PSEN2: variants seen among roughly 807,000 people sequenced by gnomAD.
The protein encoded by PSEN2 is presenilin 2, also known as presenilin-2.
In PSEN2, 32 loss-of-function variants were observed where a neutral mutation model predicts 49.1. The ratio of observed to expected loss-of-function variants is 0.65; its 90% CI spans 0.49 to 0.88. The LOEUF (loss-of-function observed/expected upper bound fraction) is 0.88, where lower values mean the gene tolerates loss of function less well. Ranked by LOEUF, PSEN2 falls within the 40% of genes least tolerant of loss-of-function variation. The probability of loss-of-function intolerance (pLI) is 0.00; values close to 1 mark genes in which losing one functional copy is unlikely to be tolerated. For missense variants in PSEN2, 522 were observed against 586.9 expected (o/e 0.89, Z 1.14); for synonymous variants, 255 against 244.0 (o/e 1.05, Z -0.42).
chr1:226,902,179 G>A (rs1331519479), intron 12 of PSEN2, among the ~76,000 whole-genome samples: 1 of 152,170 alleles, frequency 6.6e-6, no homozygotes, highest in Non-Finnish European at 1.5e-5. Flanking sequence ...TTCTCATGTG[G>A]AGTGTGCCAC....
chr1:226,883,663 G>C (rs1295643), intron 4 of PSEN2, 42 bp from the exon 5 acceptor site: 6 of 1,585,890 alleles, frequency 3.8e-6, no homozygotes, highest in East Asian at 2.3e-5. Flanking sequence ...ATAGGCTGCC[G>C]TGGGGGACAT....
At chr1:226,886,820 A>C (rs1309743178) in intron 6 of PSEN2, among the ~76,000 whole-genome samples, 1 of 152,192 alleles carries the variant, frequency 6.6e-6, no homozygotes, top group Non-Finnish European at 1.5e-5. Flanking sequence ...AATGAGTACC[A>C]GCTGGGCATT....
chr1:226,879,209 C>T (rs931842293), intron 3 of PSEN2, among the ~76,000 whole-genome samples: 12 of 152,182 alleles, frequency 7.9e-5, no homozygotes, highest in Non-Finnish European at 1.8e-4. Flanking sequence ...TAATTTCTCT[C>T]ATTTCCATAG....
At chr1:226,879,338 G>A (rs771038021) in intron 3 of PSEN2, among the ~76,000 whole-genome samples, 24 of 152,188 alleles carry the variant, frequency 1.6e-4, no homozygotes, top group Non-Finnish European at 2.6e-4. Flanking sequence ...TGGCCCTGGG[G>A]CCTAGTCTGA....
At chr1:226,889,352 C>T (rs971961891) in intron 8 of PSEN2, among the ~76,000 whole-genome samples, 1 of 152,186 alleles carries the variant, frequency 6.6e-6, no homozygotes, top group East Asian at 1.9e-4. Flanking sequence ...TCTTGGCTGA[C>T]TGCAACCTCC....
chr1:226,888,073 GCAAT>G lies in PSEN2; in HGVS notation c.499-17_499-14del. On this transcript the variant is annotated splice_polypyrimidine_tract_variant and intron_variant, in intron 6 of 12. Coordinates refer to ENST00000366783, the MANE Select transcript of PSEN2 (RefSeq NM_000447.3). Reference sequence around the variant, plus strand: ...GCGCTTGGGGACACCTTGTGATCGTGCAATTTCTGTTGTCTAGTTCATCCATGGC... The same window carrying G: ...GCGCTTGGGGACACCTTGTGATCGTGTTCTGTTGTCTAGTTCATCCATGGC... 6.2e-7 allele frequency: 1 copy of G among 1,608,488 alleles called. No homozygotes were observed. Among genetic ancestry groups the G allele is most frequent in the Non-Finnish European group, 8.5e-7 (1 of 1,174,894 alleles).
chr1:226,881,496 T>C (rs1660985903), intron 3 of PSEN2, among the ~76,000 whole-genome samples: 2 of 152,234 alleles, frequency 1.3e-5, no homozygotes, highest in African/African-American at 4.8e-5. Context: ...GATTTTTGTT[T>C]TGTTTTAAGA....
At chr1:226,876,993 C>T (rs1660671790) in intron 3 of PSEN2, among the ~76,000 whole-genome samples, 2 of 152,148 alleles carry the variant, frequency 1.3e-5, no homozygotes, top group Non-Finnish European at 2.9e-5. Flanking sequence ...CCTCCTCCTC[C>T]CTAGTTGCTC....
At chr1:226,889,929 A>G (rs1273942311) in intron 8 of PSEN2, 106 bp from the exon 9 acceptor site, 1 of 894,900 alleles carries the variant, frequency 1.1e-6, no homozygotes, top group Admixed American at 1.9e-5. Context: ...GCCCAGAGGC[A>G]AGGCATGCTC....
At chr1:226,880,622 A>G (rs764692293) in intron 3 of PSEN2, 52 of 1,612,388 alleles carry the variant, frequency 3.2e-5, no homozygotes, top group Admixed American at 1.7e-4. Context: ...GACAGCGATA[A>G]CTCAGCCTCT....
chr1:226,883,347 T>C (rs1295642), intron 4 of PSEN2, among the ~76,000 whole-genome samples: 125,743 of 152,252 alleles, frequency 0.83, 52,165 homozygotes, highest in African/African-American at 0.9. Context: ...CCTGGCCTGT[T>C]TCCTCCCATA....
rs1661538457 is a variant in PSEN2 at position 226,888,773 on chromosome 1, C to T, written c.567-56C>T. 6.1e-6 allele frequency: 9 copies of T among 1,484,214 alleles called. No individual in the cohort carries two copies. The East Asian group carries it at 2.0e-4, about 34-fold the overall frequency. The allele number at this position is 1,484,214 out of a possible 1,614,324, so 91.9% of individuals were successfully genotyped here. A position where few individuals can be genotyped will look rare whatever the true frequency, so the allele number is the denominator to read the frequency against. On this transcript the variant is annotated intron_variant, in intron 7 of 12. Transcript: ENST00000366783. Reference sequence around the variant, plus strand: ...GTTGGGACTGAATGGTGGTAAACTGCTAGGCTGTAATGCCTCCACTGAGTC... The same window carrying T: ...GTTGGGACTGAATGGTGGTAAACTGTTAGGCTGTAATGCCTCCACTGAGTC...
At chr1:226,889,383 TC>T (rs919497234) in intron 8 of PSEN2, among the ~76,000 whole-genome samples, 23 of 152,258 alleles carry the variant, frequency 1.5e-4, no homozygotes, top group African/African-American at 5.5e-4. Context: ...TTCAAGTGAT[TC>T]TCCTGCCTCA....
chr1:226,877,338 G>A (rs149053799), intron 3 of PSEN2, among the ~76,000 whole-genome samples: 1 of 152,314 alleles, frequency 6.6e-6, no homozygotes, highest in African/African-American at 2.4e-5. Context: ...GGGTAACCTT[G>A]AGCTAATTAC....
At chr1:226,889,179 C>T (rs1661572174) in intron 8 of PSEN2, 130 bp downstream of exon 8, 5 of 809,418 alleles carry the variant, frequency 6.2e-6, no homozygotes, top group East Asian at 5.4e-5. Context: ...GGTGGGATCC[C>T]TCCTGAGAGA....
At chr1:226,879,152 G>A (rs543515097) in intron 3 of PSEN2, among the ~76,000 whole-genome samples, 4 of 152,296 alleles carry the variant, frequency 2.6e-5, no homozygotes, top group African/African-American at 7.2e-5. Context: ...GATTACAGGC[G>A]TGAGCCGAGC....
chr1:226,881,759 C>A, intron 3 of PSEN2, 129 bp from the exon 4 acceptor site: 2 of 971,996 alleles, frequency 2.1e-6, no homozygotes, highest in Non-Finnish European at 3.3e-6. Context: ...GATTGACAGG[C>A]ATCTCTTGGA....
At chr1:226,878,419 G>C (rs1428508191) in intron 3 of PSEN2, among the ~76,000 whole-genome samples, 1 of 152,130 alleles carries the variant, frequency 6.6e-6, no homozygotes, top group Non-Finnish European at 1.5e-5. Context: ...GTAAGGAACT[G>C]ATTCTACTTG....
At chr1:226,882,134 G>C in intron 4 of PSEN2, 86 bp downstream of exon 4, 1 of 1,533,522 alleles carries the variant, frequency 6.5e-7, no homozygotes, top group Non-Finnish European at 8.9e-7. Context: ...TTCATTCCCT[G>C]ATGCGGGAGG....
Sources: allele counts gnomAD v4.1 joint callset (sites outside exome capture counted in the v4.1 genomes callset), GRCh38; gene constraint gnomAD v4.1.1; transcripts MANE v1.5; gene names NCBI Gene and HGNC (gene_info 2026-07-23, HGNC 2026-07-21).